SCML2: variants seen among roughly 807,000 people sequenced by gnomAD.
SCML2 encodes the protein sex comb on midleg-like protein 2.
In SCML2, 6 loss-of-function variants were observed where a neutral mutation model predicts 48.4. The observed-to-expected ratio is 0.12, with a 90% CI of 0.07 to 0.24. The LOEUF (loss-of-function observed/expected upper bound fraction) is 0.24, where lower values mean the gene tolerates loss of function less well. Among genes scored for constraint, SCML2 ranks in the 10% least tolerant of loss-of-function variants. SCML2 has a pLI of 1.00. For missense variants in SCML2, 377 were observed against 528.2 expected, an observed-to-expected ratio of 0.71 and a Z score of 2.81; for synonymous variants, 181 against 189.5, an observed-to-expected ratio of 0.95 and a Z score of 0.37.
At chrX:18,317,290 T>A (rs1384300639) in intron 6 of SCML2, among the ~76,000 whole-genome samples, 1 of 111,662 alleles carries the variant, frequency 9.0e-6, no homozygotes, top group African/African-American at 3.3e-5. Flanking sequence ...AAAAGAATGC[T>A]CACTATAGAG....
chrX:18,299,298 G>T (rs1928499161), intron 7 of SCML2, among the ~76,000 whole-genome samples: 1 of 110,952 alleles, frequency 9.0e-6, no homozygotes, highest in Non-Finnish European at 1.9e-5. Flanking sequence ...CGGATCACGA[G>T]GTCAGGAGAT....
chrX:18,281,371 T>C (rs1013002581), intron 7 of SCML2, among the ~76,000 whole-genome samples: 14 of 112,150 alleles, frequency 1.2e-4, no homozygotes, highest in Admixed American at 3.8e-4. Flanking sequence ...GGAAAGTTTA[T>C]AGTCCTAAAT....
intron 11 of SCML2, among the ~76,000 whole-genome samples, chrX:18,254,132 T>A (rs1926758189): frequency 8.9e-6 from 1 of 112,139 alleles, no homozygotes; most frequent in Non-Finnish European, 1.9e-5. Context: ...ATTCCATGTA[T>A]AATTTTCTCT....
rs1013071720 is a variant in SCML2 at position 18,260,915 on chromosome X, T to C, written c.949-624A>G. Among the ~76,000 whole-genome samples the C allele has an allele frequency of 2.7e-5, 3 of 109,500 alleles. 1 individual carries two copies. Among genetic ancestry groups the C allele is most frequent in the African/African-American group, 1.0e-4 (3 of 28,628 alleles). ...CATTTTGTTTATTTTACATCAACTC[T>C]TGGGGTTTTCCAGGAGCTACCTTCA... On this transcript the variant is annotated intron_variant, in intron 8 of 14. Coordinates refer to ENST00000251900, the MANE Select transcript of SCML2 (RefSeq NM_006089.3).
intron 13 of SCML2, among the ~76,000 whole-genome samples, chrX:18,243,183 C>T (rs1055255777): frequency 3.6e-5 from 4 of 111,327 alleles, no homozygotes; most frequent in Non-Finnish European, 5.6e-5. Flanking sequence ...AAGTGATCCT[C>T]CCACCTTGCC....
intron 1 of SCML2, among the ~76,000 whole-genome samples, chrX:18,340,974 A>G (rs1392979802): frequency 9.0e-6 from 1 of 111,567 alleles, no homozygotes. Context: ...ATCATTTCCT[A>G]TATAATTTTT....
intron 11 of SCML2, among the ~76,000 whole-genome samples, chrX:18,248,687 T>A (rs1926538482): frequency 8.9e-6 from 1 of 112,213 alleles, no homozygotes; most frequent in African/African-American, 3.2e-5. Context: ...GTTTCATTTT[T>A]AATAATGGAC....
At chrX:18,282,491 AG>A in intron 7 of SCML2, among the ~76,000 whole-genome samples, 1 of 111,023 alleles carries the variant, frequency 9.0e-6, no homozygotes, top group South Asian at 3.9e-4. Context: ...TACAAAAATT[AG>A]CCAAGCATAG....
At chrX:18,316,522 T>C (rs960956935) in intron 6 of SCML2, among the ~76,000 whole-genome samples, 1 of 112,227 alleles carries the variant, frequency 8.9e-6, no homozygotes. Context: ...TGGGATACCA[T>C]CCTCATCTTC....
rs1014560616 is a variant in SCML2 at position 18,319,248 on chromosome X, T to C, written c.486+1084A>G. 3.6e-5 allele frequency among the ~76,000 whole-genome samples: 4 copies of C among 110,757 alleles called. No individual in the cohort carries two copies. In the East Asian group the frequency reaches 1.1e-3, roughly 32 times the overall value. The stretch of plus-strand genomic sequence containing the variant: ...TCTACTAAAAACACAAAAATTAGCC[T>C]GGTGTAGTGGCACGCGCCTGTAATC... On this transcript the variant is annotated intron_variant, in intron 6 of 14. Transcript: ENST00000251900.
chrX:18,305,183 T>G lies in SCML2; in HGVS notation c.519A>C (p.Lys173Asn). The G allele has an allele frequency of 1.7e-6, 2 of 1,204,024 alleles. No homozygotes were observed. Among genetic ancestry groups the G allele is most frequent in the Non-Finnish European group, 2.2e-6 (2 of 891,892 alleles). ...CAATAGCTTCCAGTTTCATCCCCAC[T>G]TTAAAATTATTTAGTGGGGGCTTTG... Reference protein sequence around the residue: ...EPPKPPLNNFKVGMKLEAIDK... With the variant: ...EPPKPPLNNFNVGMKLEAIDK... The change falls in exon 7 of 15, where the codon AAA (lysine) becomes AAC (asparagine). Residue 173 changes from lysine (K) to asparagine (N), a missense_variant. Physicochemically the swap from Lys to Asn is moderately conservative, Grantham distance 94 (BLOSUM62 0). This residue lies in a region of SCML2 where 299 missense variants were observed against 425.5 expected (regional missense o/e 0.70). Transcript: ENST00000251900.
chrX:18,279,188 G>A (rs1266450967), intron 7 of SCML2, among the ~76,000 whole-genome samples: 3 of 112,790 alleles, frequency 2.7e-5, no homozygotes, highest in Non-Finnish European at 3.7e-5. Flanking sequence ...AAGCGTGGAT[G>A]GGTACTAACC....
intron 7 of SCML2, among the ~76,000 whole-genome samples, chrX:18,296,915 C>T (rs977930640): frequency 9.0e-6 from 1 of 110,691 alleles, no homozygotes; most frequent in Non-Finnish European, 1.9e-5. Context: ...CAGCATTACC[C>T]TAATACCAAA....
chrX:18,346,303 C>T (rs913540238), intron 1 of SCML2, among the ~76,000 whole-genome samples: 2 of 110,503 alleles, frequency 1.8e-5, no homozygotes, highest in East Asian at 2.8e-4. Context: ...AGTCAGGCTC[C>T]GTATGAGTTA....
In SCML2 at chrX:18,315,337, G is replaced by A. The variant is rs895043815; in HGVS notation, c.486+4995C>T. On this transcript the variant is annotated intron_variant, in intron 6 of 14. Coordinates refer to ENST00000251900, the MANE Select transcript of SCML2 (RefSeq NM_006089.3). ...GGCATCCCTAAATTTGATCACACAG[G>A]ACCTAACAGGCCATATTGAAAAACT... 3.6e-5 allele frequency among the ~76,000 whole-genome samples: 4 copies of A among 110,766 alleles called. No individual in the cohort carries two copies. In the East Asian group the frequency reaches 1.1e-3, roughly 31 times the overall value.
At chrX:18,351,993 T>A (rs909401372) in intron 1 of SCML2, among the ~76,000 whole-genome samples, 3 of 111,687 alleles carry the variant, frequency 2.7e-5, no homozygotes, top group Non-Finnish European at 5.6e-5. Context: ...CCTGACCATT[T>A]CACTGATGCG....
At chrX:18,343,619 G>C (rs1305287354) in intron 1 of SCML2, among the ~76,000 whole-genome samples, 1 of 109,293 alleles carries the variant, frequency 9.1e-6, no homozygotes, top group African/African-American at 3.3e-5. Context: ...AATTAGCCAG[G>C]TGTGGTGGCG....
chrX:18,285,600 C>T (rs1039860349), intron 7 of SCML2, among the ~76,000 whole-genome samples: 2 of 110,585 alleles, frequency 1.8e-5, no homozygotes, highest in African/African-American at 6.6e-5. Context: ...GGGTACTATG[C>T]TCACTACCTG....
intron 7 of SCML2, among the ~76,000 whole-genome samples, chrX:18,266,873 G>A (rs758052997): frequency 4.3e-4 from 48 of 112,081 alleles, no homozygotes; most frequent in African/African-American, 1.6e-3. Context: ...GGCAAAGAGA[G>A]GACCACTTCA....
Sources: allele counts gnomAD v4.1 joint callset (sites outside exome capture counted in the v4.1 genomes callset), GRCh38; gene constraint gnomAD v4.1.1; regional missense constraint gnomAD v4.1.1; transcripts MANE v1.5; gene names NCBI Gene and HGNC (gene_info 2026-07-23, HGNC 2026-07-21).